Variants in MUSK observed in about 807,000 individuals in gnomAD.
The protein encoded by MUSK is muscle, skeletal receptor tyrosine-protein kinase.
Under a neutral mutation model 88.7 loss-of-function variants are expected in MUSK, and 55 were observed. That is an observed-to-expected ratio of 0.62 (90% CI 0.50 to 0.78). The LOEUF is 0.78. MUSK is among the 30% of genes least tolerant of loss of function. MUSK has a pLI of 0.00. For missense variants in MUSK, 1,015 were observed against 1,074.3 expected, an observed-to-expected ratio of 0.94 and a Z score of 0.77; for synonymous variants, 387 against 391.9, an observed-to-expected ratio of 0.99 and a Z score of 0.15.
chr9:110,707,156 C>T (rs2076610812), intron 5 of MUSK, among the ~76,000 whole-genome samples: 1 of 151,782 alleles, frequency 6.6e-6, no homozygotes, highest in South Asian at 2.1e-4. Flanking sequence ...TCGAGACAAG[C>T]CTGGGTGACA....
intron 14 of MUSK, 72 bp downstream of exon 14, chr9:110,787,910 C>T (rs1330965227): frequency 5.3e-6 from 8 of 1,516,224 alleles, no homozygotes; most frequent in South Asian, 2.4e-5. Flanking sequence ...TCCCCTTGTT[C>T]GTGCTTTTTC....
intron 13 of MUSK, among the ~76,000 whole-genome samples, chr9:110,787,066 A>G (rs577193755): frequency 4.3e-4 from 65 of 152,282 alleles, no homozygotes; most frequent in Non-Finnish European, 8.8e-4. Context: ...GACAAAGATT[A>G]AAAGGTTAGG....
Position 110,805,150 on chromosome 9 carries a change from G to T in MUSK, c.*4162G>T, listed in dbSNP as rs2078146760. The stretch of plus-strand genomic sequence containing the variant: ...AATGTAATGTTTGGATCATCCTGTT[G>T]CTAAATTTTGTAAGCATTTATCTTA... On this transcript the variant is annotated 3_prime_UTR_variant, in exon 15 of 15. Coordinates refer to ENST00000374448, the MANE Select transcript of MUSK (RefSeq NM_005592.4). Among the ~76,000 whole-genome samples the T allele has an allele frequency of 6.6e-6, 1 of 151,742 alleles. No individual in the cohort carries two copies. Among genetic ancestry groups the T allele is most frequent in the Non-Finnish European group, 1.5e-5 (1 of 67,788 alleles).
At chr9:110,789,934 A>G (rs2767000) in intron 14 of MUSK, among the ~76,000 whole-genome samples, 6,960 of 152,320 alleles carry the variant, frequency 0.046, 226 homozygotes, top group Non-Finnish European at 0.061. Context: ...CAGAGTATTT[A>G]AAGCCATGAG....
chr9:110,695,790 T>C (rs1239230967), intron 4 of MUSK, among the ~76,000 whole-genome samples: 1 of 152,104 alleles, frequency 6.6e-6, no homozygotes, highest in Non-Finnish European at 1.5e-5. Context: ...TGGAATCCTT[T>C]GTATTTGTTG....
chr9:110,675,503 G>A (rs2076015006), intron 1 of MUSK, among the ~76,000 whole-genome samples: 1 of 149,488 alleles, frequency 6.7e-6, no homozygotes, highest in Admixed American at 6.7e-5. Context: ...TTACAGGCGT[G>A]AGCCACCGTG....
chr9:110,729,158 A>G (rs1320613795), intron 5 of MUSK, among the ~76,000 whole-genome samples: 1 of 151,482 alleles, frequency 6.6e-6, no homozygotes, highest in Non-Finnish European at 1.5e-5. Context: ...CAAGATCAGG[A>G]GTATTATGCA....
chr9:110,688,354 C>CT (rs886685782), intron 3 of MUSK, among the ~76,000 whole-genome samples: 17 of 150,900 alleles, frequency 1.1e-4, no homozygotes, highest in East Asian at 3.9e-4. Context: ...TGATGTTTGT[C>CT]TTTTTTTTTC....
rs150796493 is a variant in MUSK at position 110,787,213 on chromosome 9, T to G, written c.1779-477T>G. On this transcript the variant is annotated intron_variant, in intron 13 of 14. Coordinates refer to ENST00000374448, the MANE Select transcript of MUSK (RefSeq NM_005592.4). Reference sequence around the variant, plus strand: ...CTGTCTCTACTAAAAATACAAAAAATTAGCCAGGTGTGGTGGCGGGTGCCT... The same window carrying G: ...CTGTCTCTACTAAAAATACAAAAAAGTAGCCAGGTGTGGTGGCGGGTGCCT... Among the ~76,000 whole-genome samples, 58 of 151,872 alleles carry G rather than the reference T, an allele frequency of 3.8e-4. 1 individual carries two copies. The East Asian group carries it at 0.011, about 29-fold the overall frequency.
chr9:110,724,418 A>C (rs1344804162), intron 5 of MUSK, among the ~76,000 whole-genome samples: 1 of 151,960 alleles, frequency 6.6e-6, no homozygotes, highest in Non-Finnish European at 1.5e-5. Context: ...CATTCATATA[A>C]GATATTTCAG....
intron 3 of MUSK, among the ~76,000 whole-genome samples, chr9:110,690,434 C>A (rs191066696): frequency 0.58 from 22,863 of 39,102 alleles, 6,550 homozygotes; most frequent in African/African-American, 0.76. Flanking sequence ...ATATATATTT[C>A]AATATAAGTA....
At chr9:110,691,433 C>T (rs766058060) in intron 3 of MUSK, among the ~76,000 whole-genome samples, 21 of 152,126 alleles carry the variant, frequency 1.4e-4, no homozygotes, top group Non-Finnish European at 2.6e-4. Flanking sequence ...ACCTCAACAT[C>T]ACCAGCATCA....
chr9:110,758,023 G>A lies in MUSK; in HGVS notation c.914-4179G>A, dbSNP rs2077348753. 2.0e-5 allele frequency among the ~76,000 whole-genome samples: 3 copies of A among 152,306 alleles called. No individual in the cohort carries two copies. In the South Asian group the frequency reaches 6.2e-4, roughly 32 times the overall value. On this transcript the variant is annotated intron_variant, in intron 7 of 14. Transcript: ENST00000374448. ...TCTTCCTCCCAAGTTGGAATGCAGT[G>A]GTGTGTGATCTCGGCTCATTGCAGC...
At chr9:110,673,698 TTAATAG>T (rs2075989597) in intron 1 of MUSK, among the ~76,000 whole-genome samples, 1 of 152,172 alleles carries the variant, frequency 6.6e-6, no homozygotes, top group Non-Finnish European at 1.5e-5. Context: ...AAAGATAACA[TTAATAG>T]TAAGTCTATT....
At chr9:110,692,214 C>T (rs973000434) in intron 3 of MUSK, among the ~76,000 whole-genome samples, 8 of 152,046 alleles carry the variant, frequency 5.3e-5, no homozygotes, top group African/African-American at 1.9e-4. Flanking sequence ...GGCTGTAGTG[C>T]AGTTGTGTGA....
chr9:110,697,918 A>AC (rs2076454945), intron 5 of MUSK, among the ~76,000 whole-genome samples: 1 of 152,004 alleles, frequency 6.6e-6, no homozygotes, highest in Non-Finnish European at 1.5e-5. Flanking sequence ...GAAAAAAAAA[A>AC]CATTAACTCA....
chr9:110,723,849 C>T (rs1349945129), intron 5 of MUSK, among the ~76,000 whole-genome samples: 1 of 152,022 alleles, frequency 6.6e-6, no homozygotes, highest in Non-Finnish European at 1.5e-5. Flanking sequence ...AGAAAATCTC[C>T]ACCACTATGT....
At chr9:110,681,258 G>A (rs914984509) in intron 1 of MUSK, among the ~76,000 whole-genome samples, 5 of 140,772 alleles carry the variant, frequency 3.6e-5, no homozygotes, top group African/African-American at 1.1e-4. Context: ...TGATGACTGT[G>A]TATAAGATGT....
chr9:110,679,432 C>G (rs190622560), intron 1 of MUSK, among the ~76,000 whole-genome samples: 1 of 151,746 alleles, frequency 6.6e-6, no homozygotes, highest in Non-Finnish European at 1.5e-5. Flanking sequence ...TACATATTTT[C>G]CCTCCCCTTT....
Sources: allele counts gnomAD v4.1 joint callset (sites outside exome capture counted in the v4.1 genomes callset), GRCh38; gene constraint gnomAD v4.1.1; transcripts MANE v1.5; gene names NCBI Gene and HGNC (gene_info 2026-07-23, HGNC 2026-07-21).